Variants in CACNA2D3 observed in about 807,000 individuals in gnomAD.
The protein encoded by CACNA2D3 is voltage-dependent calcium channel subunit alpha-2/delta-3.
In CACNA2D3, 60 loss-of-function variants were observed where a neutral mutation model predicts 160.6. The observed-to-expected ratio is 0.37, with a 90% CI of 0.30 to 0.46. The LOEUF (loss-of-function observed/expected upper bound fraction) is 0.46, where lower values mean the gene tolerates loss of function less well. CACNA2D3 is among the 20% of genes least tolerant of loss of function. The pLI is 1.00. For synonymous variants in CACNA2D3, 558 were observed against 492.9 expected (o/e 1.13, Z -1.75); for missense variants, 1,205 against 1,365.0 (o/e 0.88, Z 1.85).
intron 2 of CACNA2D3, among the ~76,000 whole-genome samples, chr3:54,266,930 C>T (rs1702527926): frequency 6.6e-6 from 1 of 151,900 alleles, no homozygotes; most frequent in African/African-American, 2.4e-5. Flanking sequence ...TTTTTTGCAA[C>T]ACTTCTCTGT....
At chr3:54,223,137 T>C (rs1182052647) in intron 2 of CACNA2D3, among the ~76,000 whole-genome samples, 1 of 152,216 alleles carries the variant, frequency 6.6e-6, no homozygotes, top group African/African-American at 2.4e-5. Context: ...TAGTTTAAGG[T>C]ACTTTACTGT....
rs5849032 is a variant in CACNA2D3 at position 54,157,835 on chromosome 3, C to CAAAAAA, written c.204+34256_204+34261dup. Among the ~76,000 whole-genome samples, 12 of 134,340 alleles carry CAAAAAA rather than the reference C, an allele frequency of 8.9e-5. No homozygotes were observed. In the East Asian group the frequency reaches 1.6e-3, roughly 17 times the overall value. 88.1% of individuals were successfully genotyped at this position (134,340 alleles called of 152,430 possible). A position where few individuals can be genotyped will look rare whatever the true frequency, so the allele number is the denominator to read the frequency against. On this transcript the variant is annotated intron_variant, in intron 2 of 37. Transcript: ENST00000474759. ...AAAAAAGCAAAAAAACCCAACCAAA[C>CAAAAAA]AAAAAAAAAAAAAAAAAAAAGAAAT...
At chr3:54,349,934 A>T (rs556015723) in intron 3 of CACNA2D3, among the ~76,000 whole-genome samples, 1 of 152,154 alleles carries the variant, frequency 6.6e-6, no homozygotes, top group Non-Finnish European at 1.5e-5. Flanking sequence ...TCTTTAACAC[A>T]TTCCTTGGAC....
chr3:54,776,437 C>T (rs1023906278), intron 13 of CACNA2D3, among the ~76,000 whole-genome samples: 14 of 152,084 alleles, frequency 9.2e-5, no homozygotes, highest in African/African-American at 3.1e-4. Flanking sequence ...ATCACTTGAG[C>T]CCTGGAGATC....
intron 9 of CACNA2D3, among the ~76,000 whole-genome samples, chr3:54,603,873 G>C (rs1239474383): frequency 6.6e-6 from 1 of 151,116 alleles, no homozygotes; most frequent in African/African-American, 2.4e-5. Flanking sequence ...AGATATGCAT[G>C]CTTTAAAAAA....
intron 31 of CACNA2D3, among the ~76,000 whole-genome samples, chr3:55,000,450 C>G (rs1702957208): frequency 6.6e-6 from 1 of 152,094 alleles, no homozygotes; most frequent in South Asian, 2.1e-4. Context: ...ATATCTAATT[C>G]ACATGGGGCT....
At chr3:54,347,522 T>C (rs1698480829) in intron 3 of CACNA2D3, among the ~76,000 whole-genome samples, 1 of 152,232 alleles carries the variant, frequency 6.6e-6, no homozygotes, top group Admixed American at 6.5e-5. Flanking sequence ...TCAGATTTGA[T>C]GGATGCCTTG....
intron 2 of CACNA2D3, among the ~76,000 whole-genome samples, chr3:54,276,452 A>T (rs1702740609): frequency 6.6e-6 from 1 of 152,042 alleles, no homozygotes; most frequent in African/African-American, 2.4e-5. Context: ...ATACGCCTGT[A>T]ATCTCAGCTA....
At chr3:54,148,072 C>T (rs1700069852) in intron 2 of CACNA2D3, among the ~76,000 whole-genome samples, 3 of 152,254 alleles carry the variant, frequency 2.0e-5, no homozygotes, top group African/African-American at 7.2e-5. Context: ...GCTGGGATTA[C>T]AGGCGTGAGC....
chr3:54,317,443 G>A (rs928568137), intron 2 of CACNA2D3, among the ~76,000 whole-genome samples: 1 of 152,196 alleles, frequency 6.6e-6, no homozygotes, highest in Non-Finnish European at 1.5e-5. Flanking sequence ...CAAGGGGCCC[G>A]AATCTGGCAA....
chr3:54,456,034 C>T (rs1700391261), intron 4 of CACNA2D3, among the ~76,000 whole-genome samples: 1 of 152,094 alleles, frequency 6.6e-6, no homozygotes, highest in South Asian at 2.1e-4. Flanking sequence ...GATATTCAGA[C>T]TCTTATATGG....
intron 2 of CACNA2D3, among the ~76,000 whole-genome samples, chr3:54,136,979 C>T (rs937680281): frequency 5.3e-5 from 8 of 152,230 alleles, no homozygotes; most frequent in African/African-American, 1.9e-4. Flanking sequence ...CATTCCCTCC[C>T]TTCCATTCTG....
In CACNA2D3 at chr3:54,948,221, C is replaced by G. The variant is rs180692770; in HGVS notation, c.2450-20229C>G. 1.2e-3 allele frequency among the ~76,000 whole-genome samples: 177 copies of G among 152,280 alleles called. 1 individual carries two copies. Among genetic ancestry groups the G allele is most frequent in the Middle Eastern group, 3.4e-3 (1 of 292 alleles). On this transcript the variant is annotated intron_variant, in intron 27 of 37. Transcript: ENST00000474759. ...GAGAGTGAGATAGGAAACTTTTTGA[C>G]TAGAAAAGTATGTGTGATGTGAGCC...
At chr3:54,600,362 C>T (rs545205069) in intron 9 of CACNA2D3, among the ~76,000 whole-genome samples, 1 of 152,166 alleles carries the variant, frequency 6.6e-6, no homozygotes, top group Non-Finnish European at 1.5e-5. Context: ...CTTTCTTATC[C>T]TTAGAGGGAG....
At chr3:54,734,916 A>G (rs1701466899) in intron 11 of CACNA2D3, among the ~76,000 whole-genome samples, 1 of 152,230 alleles carries the variant, frequency 6.6e-6, no homozygotes, top group African/African-American at 2.4e-5. Flanking sequence ...AGACTATCAG[A>G]AATTGCCAAA....
intron 13 of CACNA2D3, among the ~76,000 whole-genome samples, chr3:54,781,086 CTTAATT>C (rs1276175443): frequency 2.0e-5 from 3 of 151,996 alleles, no homozygotes; most frequent in Non-Finnish European, 2.9e-5. Flanking sequence ...TTAAAATAAT[CTTAATT>C]TTAACTATTA....
chr3:54,665,547 AC>A (rs1700049210), intron 11 of CACNA2D3, among the ~76,000 whole-genome samples: 1 of 1,814 alleles, frequency 5.5e-4, no homozygotes. Flanking sequence ...AGCTCCATAT[AC>A]TACTGTGTAA....
chr3:54,166,392 A>T (rs1429832203), intron 2 of CACNA2D3, among the ~76,000 whole-genome samples: 1 of 152,196 alleles, frequency 6.6e-6, no homozygotes, highest in Admixed American at 6.5e-5. Context: ...TTAGCTGCTC[A>T]CCTTGAAATC....
At chr3:54,592,758 C>T (rs1702884330) in intron 9 of CACNA2D3, among the ~76,000 whole-genome samples, 1 of 152,158 alleles carries the variant, frequency 6.6e-6, no homozygotes. Flanking sequence ...ACCTTAGAAA[C>T]CCTTGTAACT....
Sources: gnomAD v4.1 joint callset for allele counts (sites outside exome capture counted in the v4.1 genomes callset) on GRCh38, gnomAD v4.1.1 for gene constraint, MANE v1.5 for transcripts, NCBI Gene and HGNC (gene_info 2026-07-23, HGNC 2026-07-21) for gene names.